The following PRG4 variants were observed in gnomAD, a reference collection of about 807,000 sequenced individuals.
The protein encoded by PRG4 is proteoglycan 4, also known as articular superficial zone protein.
PRG4 carries 61 observed loss-of-function variants against 91.2 expected under a neutral mutation model. The observed-to-expected ratio is 0.67, with a 90% CI of 0.54 to 0.83. The LOEUF (loss-of-function observed/expected upper bound fraction) is 0.83, where lower values mean the gene tolerates loss of function less well. PRG4 is among the 40% of genes least tolerant of loss of function. The probability of loss-of-function intolerance (pLI) is 0.00; values close to 1 mark genes in which losing one functional copy is unlikely to be tolerated. For synonymous variants in PRG4, 576 were observed against 614.2 expected, an observed-to-expected ratio of 0.94 and a Z score of 0.92; for missense variants, 1,564 against 1,714.2, an observed-to-expected ratio of 0.91 and a Z score of 1.55.
Position 186,308,682 on chromosome 1 carries a change from C to CA in PRG4, c.2969dup (p.Thr991AspfsTer6). 1 of 1,610,696 alleles carries CA rather than the reference C, an allele frequency of 6.2e-7. No individual in the cohort carries two copies. Among genetic ancestry groups the CA allele is most frequent in the South Asian group, 1.1e-5 (1 of 90,176 alleles). ...ACTCTTGCACCCAAAGTAACTACAA[C>CA]AAAAAAGACAATTACTACCACTGAG... On this transcript the variant is annotated frameshift_variant, in exon 7 of 13. Coordinates refer to ENST00000445192, the MANE Select transcript of PRG4 (RefSeq NM_005807.6). LOFTEE classifies it high-confidence loss of function.
Position 186,303,305 on chromosome 1 carries a change from CAA to C in PRG4, c.320-802_320-801del, listed in dbSNP as rs767540139. ...TGTTTTTGCTGGGTAGGAGGAGAAACAAGAGGGACAGTGGCCAGTTCACGGAG... is the reference window on the plus strand; with the variant it reads ...TGTTTTTGCTGGGTAGGAGGAGAAACGAGGGACAGTGGCCAGTTCACGGAG... On this transcript the variant is annotated intron_variant, in intron 4 of 12. Transcript: ENST00000445192. Among the ~76,000 whole-genome samples the C allele has an allele frequency of 7.4e-4, 113 of 152,050 alleles. 1 individual carries two copies. Among genetic ancestry groups the C allele is most frequent in the Non-Finnish European group, 4.3e-4 (29 of 67,972 alleles).
chr1:186,311,819 T>C (rs1657261988), intron 10 of PRG4: 3 of 601,608 alleles, frequency 5.0e-6, no homozygotes, highest in South Asian at 2.0e-5. Flanking sequence ...AGGTCACTGA[T>C]AGAATGTCAT....
Position 186,308,690 on chromosome 1 carries a change from A to T in PRG4, c.2971A>T (p.Thr991Ser). 6.2e-7 allele frequency: 1 copy of T among 1,611,650 alleles called. No homozygotes were observed. The highest frequency in any genetic ancestry group is 8.5e-7 in the Non-Finnish European group (1 of 1,179,502). Reference sequence around the variant, plus strand: ...ACCCAAAGTAACTACAACAAAAAAGACAATTACTACCACTGAGATTATGAA... The same window carrying T: ...ACCCAAAGTAACTACAACAAAAAAGTCAATTACTACCACTGAGATTATGAA... ...LAPKVTTTKK[T>S]ITTTEIMNKP... The change falls in exon 7 of 13, where the codon ACA becomes TCA. Residue 991 changes from threonine to serine, a missense_variant. Thr to Ser is a moderately conservative substitution (Grantham distance 58). Coordinates refer to ENST00000445192, the MANE Select transcript of PRG4 (RefSeq NM_005807.6).
At position 186,307,696 on chromosome 1, in the gene PRG4, C is replaced by T; in HGVS notation, c.1977C>T (p.Thr659=). ...APTTPEEPTP[T]TPEEPAPTTP... ...CCACCCCTGAGGAGCCCACACCCAC[C>T]ACCCCTGAGGAGCCTGCTCCCACCA... The change falls in exon 7 of 13, where the codon ACC becomes ACT. Residue 659 remains threonine (T), a synonymous_variant. Coordinates refer to ENST00000445192, the MANE Select transcript of PRG4 (RefSeq NM_005807.6). 1.2e-6 allele frequency: 2 copies of T among 1,609,406 alleles called. No individual in the cohort carries two copies. The highest frequency in any genetic ancestry group is 1.7e-6 in the Non-Finnish European group (2 of 1,178,802).
intron 4 of PRG4, 142 bp from the exon 5 acceptor site, chr1:186,303,966 T>C: frequency 1.2e-6 from 1 of 822,620 alleles, no homozygotes; most frequent in Middle Eastern, 2.2e-4. Context: ...TTAAATGGAG[T>C]CATTCGTGTT....
chr1:186,302,261 C>T (rs1656274376), intron 4 of PRG4, among the ~76,000 whole-genome samples: 1 of 152,198 alleles, frequency 6.6e-6, no homozygotes, highest in Non-Finnish European at 1.5e-5. Context: ...GCAGTCTCCT[C>T]AGCAGTCTCT....
At position 186,301,601 on chromosome 1, in the gene PRG4, G is replaced by A. The variant is rs776305395; in HGVS notation, c.209G>A (p.Cys70Tyr). 5 of 1,613,934 alleles carry A rather than the reference G, an allele frequency of 3.1e-6. No homozygotes were observed. Among genetic ancestry groups the A allele is most frequent in the Non-Finnish European group, 4.2e-6 (5 of 1,179,980 alleles). ...GTTTTGCTCTGGGTAGAGCTTTCCT[G>A]TAAAGGCCGCTGCTTTGAGTCCTTC... The part of the protein sequence containing the change: ...FKRVCTAELS[C>Y]KGRCFESFER... The change falls in exon 4 of 13, where the codon TGT (cysteine) becomes TAT (tyrosine). Residue 70 changes from cysteine (C) to tyrosine (Y), a missense_variant. This residue lies in a region of PRG4 where 437 missense variants were observed against 459.0 expected (regional missense o/e 0.95). Transcript: ENST00000445192.
chr1:186,306,561 AG>A lies in PRG4; in HGVS notation c.843del (p.Thr282GlnfsTer32). 6.2e-7 allele frequency: 1 copy of A among 1,613,468 alleles called. No individual in the cohort carries two copies. The highest frequency in any genetic ancestry group is 8.5e-7 in the Non-Finnish European group (1 of 1,179,552). ...SKETSLTVNK[E>X]TTVETKETTT... ...GAGACGTCTTTGACAGTGAATAAAGAGACAACAGTTGAAACTAAAGAAACTA... is the reference window on the plus strand; with the variant it reads ...GAGACGTCTTTGACAGTGAATAAAGAACAACAGTTGAAACTAAAGAAACTA... On this transcript the variant is annotated frameshift_variant, in exon 7 of 13. Transcript: ENST00000445192. LOFTEE classifies it high-confidence loss of function.
chr1:186,296,298 G>A lies in PRG4; in HGVS notation c.-31+5G>A, dbSNP rs918233629. Reference sequence around the variant, plus strand: ...AAACTCATCTATCCTTTACGGGTAAGTGTCAAAGTTAACTTGCTTCATAGA... The same window carrying A: ...AAACTCATCTATCCTTTACGGGTAAATGTCAAAGTTAACTTGCTTCATAGA... On this transcript the variant is annotated splice_donor_5th_base_variant and intron_variant, in intron 1 of 12. Coordinates refer to ENST00000445192, the MANE Select transcript of PRG4 (RefSeq NM_005807.6). 6.5e-6 allele frequency: 1 copy of A among 154,554 alleles called. No individual in the cohort carries two copies. Among genetic ancestry groups the A allele is most frequent in the Non-Finnish European group, 1.4e-5 (1 of 69,608 alleles). 9.6% of individuals were successfully genotyped at this position (154,554 alleles called of 1,614,324 possible).
intron 11 of PRG4, 145 bp from the exon 12 acceptor site, chr1:186,312,624 C>T: frequency 1.1e-6 from 1 of 905,112 alleles, no homozygotes. Flanking sequence ...TACTTCTTAC[C>T]AAGAACATTA....
intron 5 of PRG4, among the ~76,000 whole-genome samples, chr1:186,304,512 AC>A (rs1656422542): frequency 6.6e-6 from 1 of 152,228 alleles, no homozygotes; most frequent in South Asian, 2.1e-4. Flanking sequence ...ACTATAAAAA[AC>A]AAAAACCACC....
In PRG4 at chr1:186,314,335, T is replaced by C. The variant is rs2102044588; in HGVS notation, c.*557T>C. 2.6e-6 allele frequency: 1 copy of C among 388,256 alleles called. No individual in the cohort carries two copies. Among genetic ancestry groups the C allele is most frequent in the East Asian group, 4.5e-5 (1 of 22,038 alleles). The allele number at this position is 388,256 out of a possible 1,614,324, so 24.1% of individuals were successfully genotyped here. ...ACAATATAATGGCAATAGGTAGAGA[T>C]ACAACAAATGAATATAACACTATAA... On this transcript the variant is annotated 3_prime_UTR_variant, in exon 13 of 13. Coordinates refer to ENST00000445192, the MANE Select transcript of PRG4 (RefSeq NM_005807.6).
chr1:186,300,350 C>T, intron 3 of PRG4, 137 bp downstream of exon 3: 1 of 1,149,392 alleles, frequency 8.7e-7, no homozygotes, highest in Non-Finnish European at 1.3e-6. Flanking sequence ...CACTGTATCA[C>T]TTCCTTTGCT....
At chr1:186,311,929 T>C (rs1173485796) in intron 10 of PRG4, 4 of 541,584 alleles carry the variant, frequency 7.4e-6, no homozygotes, top group Admixed American at 3.2e-5. Flanking sequence ...AACTGAGCAC[T>C]TGTCACTTTC....
chr1:186,311,189 TGA>T lies in PRG4; in HGVS notation c.3636+24_3636+25del. 1 of 1,599,120 alleles carries T rather than the reference TGA, an allele frequency of 6.3e-7. No individual in the cohort carries two copies. The highest frequency in any genetic ancestry group is 8.6e-7 in the Non-Finnish European group (1 of 1,166,626). ...CTTTAAGGTAACACAAATATCTTTGTGAGAGAAATTTAATAATAATTTGTAAC... is the reference window on the plus strand; with the variant it reads ...CTTTAAGGTAACACAAATATCTTTGTGAGAAATTTAATAATAATTTGTAAC... On this transcript the variant is annotated intron_variant, in intron 9 of 12. Coordinates refer to ENST00000445192, the MANE Select transcript of PRG4 (RefSeq NM_005807.6).
chr1:186,312,269 G>C lies in PRG4; in HGVS notation c.3888G>C (p.Thr1296=), dbSNP rs565193791. 1.9e-6 allele frequency: 3 copies of C among 1,613,978 alleles called. No individual in the cohort carries two copies. Among genetic ancestry groups the C allele is most frequent in the Admixed American group, 3.3e-5 (2 of 60,010 alleles). The change falls in exon 11 of 13, where the codon ACG becomes ACC. Residue 1296 remains threonine (T), a synonymous_variant. Transcript: ENST00000445192. Reference sequence around the variant, plus strand: ...TAAATTATCCAGTGTATGGAGAAACGACACAGGTTAGGAGACGTCGCTTTG... The same window carrying C: ...TAAATTATCCAGTGTATGGAGAAACCACACAGGTTAGGAGACGTCGCTTTG... ...PALNYPVYGE[T]TQVRRRRFER...
intron 4 of PRG4, 47 bp from the exon 5 acceptor site, chr1:186,304,061 G>T (rs1437347000): frequency 1.0e-5 from 16 of 1,600,096 alleles, no homozygotes; most frequent in Non-Finnish European, 1.4e-5. Flanking sequence ...TAGAGCTGCT[G>T]ATGAACATAA....
intron 4 of PRG4, among the ~76,000 whole-genome samples, chr1:186,303,329 G>A (rs540593308): frequency 5.3e-5 from 8 of 152,142 alleles, no homozygotes; most frequent in South Asian, 2.1e-4. Flanking sequence ...GCCAGTTCAC[G>A]GAGACTATAG....
rs1211238840 is a variant in PRG4, at chr1:186,314,427, C to T, written c.*649C>T. On this transcript the variant is annotated 3_prime_UTR_variant, in exon 13 of 13. Transcript: ENST00000445192. ...AATCAATAAATATAAAATATAAGCA[C>T]ATATTTATTATATATCTAAGGTATA... 8 of 383,404 alleles carry T rather than the reference C, an allele frequency of 2.1e-5. No homozygotes were observed. The highest frequency in any genetic ancestry group is 2.1e-5 in the African/African-American group (1 of 48,030). 23.8% of individuals were successfully genotyped at this position (383,404 alleles called of 1,614,324 possible). A position where few individuals can be genotyped will look rare whatever the true frequency, so the allele number is the denominator to read the frequency against.
Sources: allele counts gnomAD v4.1 joint callset (sites outside exome capture counted in the v4.1 genomes callset), GRCh38; gene constraint gnomAD v4.1.1; regional missense constraint gnomAD v4.1.1; transcripts MANE v1.5; gene names NCBI Gene and HGNC (gene_info 2026-07-23, HGNC 2026-07-21).